The following YTHDC2 variants were observed in gnomAD, a reference collection of about 807,000 sequenced individuals.
YTHDC2 encodes YTH N6-methyladenosine RNA binding protein C2.
A neutral mutation model predicts 174.9 loss-of-function variants in YTHDC2; 45 were observed. The observed-to-expected ratio is 0.26, with a 90% confidence interval of 0.20 to 0.33. The LOEUF (loss-of-function observed/expected upper bound fraction) is 0.33. Ranked by LOEUF, YTHDC2 falls within the 10% of genes least tolerant of loss-of-function variation. YTHDC2 has a pLI of 1.00. For missense variants in YTHDC2, 1,650 were observed against 1,723.7 expected, an observed-to-expected ratio of 0.96 and a Z score of 0.76; for synonymous variants, 657 against 574.5, an observed-to-expected ratio of 1.14 and a Z score of -2.05.
At chr5:113,547,859 A>T (rs1040377827) in intron 10 of YTHDC2, among the ~76,000 whole-genome samples, 1 of 152,204 alleles carries the variant, frequency 6.6e-6, no homozygotes, top group Non-Finnish European at 1.5e-5. Flanking sequence ...AGGGTTTTTT[A>T]AATGAAATCT....
At chr5:113,533,912 T>A (rs546349264) in intron 5 of YTHDC2, among the ~76,000 whole-genome samples, 1 of 152,206 alleles carries the variant, frequency 6.6e-6, no homozygotes, top group Non-Finnish European at 1.5e-5. Flanking sequence ...AAACCCTTTC[T>A]GTCTCGAGCA....
chr5:113,549,001 G>A lies in YTHDC2; in HGVS notation c.1669G>A (p.Asp557Asn), dbSNP rs1226954936. 6.2e-7 allele frequency: 1 copy of A among 1,612,860 alleles called. No homozygotes were observed. The highest frequency in any genetic ancestry group is 1.3e-5 in the African/African-American group (1 of 74,970). The change falls in exon 12 of 30, where the codon GAT becomes AAT. Residue 557 changes from aspartate (D) to asparagine (N), a missense_variant. By Grantham distance (23) the Asp-to-Asn change is conservative. This residue lies in a region of YTHDC2 where 411 missense variants were observed against 380.6 expected (regional missense o/e 1.08). Transcript: ENST00000161863. ...ACACTTTGGGCAGACTGAAATTGTG[G>A]ATCTTCTAGAATCTTACAGGTAAAA... ...AKHFGQTEIV[D>N]LLESYSATLE...
At chr5:113,559,561 G>A (rs1776824295) in intron 17 of YTHDC2, among the ~76,000 whole-genome samples, 2 of 152,176 alleles carry the variant, frequency 1.3e-5, no homozygotes, top group Non-Finnish European at 2.9e-5. Context: ...AATCTCATTT[G>A]TGCCCTAGTT....
intron 2 of YTHDC2, among the ~76,000 whole-genome samples, chr5:113,519,347 G>T (rs987627765): frequency 7.9e-5 from 12 of 152,234 alleles, no homozygotes; most frequent in Admixed American, 5.9e-4. Flanking sequence ...TTTAAAGGTT[G>T]TGTTTAAAGT....
intron 23 of YTHDC2, among the ~76,000 whole-genome samples, chr5:113,571,936 A>AT (rs1430462400): frequency 6.6e-6 from 1 of 151,880 alleles, no homozygotes; most frequent in African/African-American, 2.4e-5. Context: ...TGATTTGCTG[A>AT]TTTTTTTGGA....
intron 18 of YTHDC2, among the ~76,000 whole-genome samples, chr5:113,561,978 G>GTGTGTGTGTGTGTA (rs1777019810): frequency 1.3e-5 from 2 of 149,594 alleles, no homozygotes; most frequent in Admixed American, 1.3e-4. Context: ...GTGTGTGTGT[G>GTGTGTGTGTGTGTA]TGTGTGTGTG....
chr5:113,558,987 A>G (rs903878820), intron 17 of YTHDC2, among the ~76,000 whole-genome samples: 11 of 152,050 alleles, frequency 7.2e-5, no homozygotes, highest in African/African-American at 2.7e-4. Context: ...TAGGCCTAGA[A>G]TTAGGATAAG....
In YTHDC2 at chr5:113,553,370, G is replaced by T; in HGVS notation, c.1867+11G>T. Reference sequence around the variant, plus strand: ...ATAGTTGTGATGCTGGTAAATACGTGTTGTCTAAAAGAACTGGAGCAAAAT... The same window carrying T: ...ATAGTTGTGATGCTGGTAAATACGTTTTGTCTAAAAGAACTGGAGCAAAAT... On this transcript the variant is annotated intron_variant, in intron 13 of 29. Coordinates refer to ENST00000161863, the MANE Select transcript of YTHDC2 (RefSeq NM_022828.5). The T allele has an allele frequency of 6.3e-7, 1 of 1,583,140 alleles. No homozygotes were observed. Among genetic ancestry groups the T allele is most frequent in the Non-Finnish European group, 8.5e-7 (1 of 1,170,548 alleles).
At chr5:113,567,612 A>T (rs370518910) in intron 22 of YTHDC2, 42 bp from the exon 23 acceptor site, 1 of 1,471,004 alleles carries the variant, frequency 6.8e-7, no homozygotes, top group East Asian at 2.5e-5. Flanking sequence ...AAACTAGGTG[A>T]TAAACACAAT....
At position 113,525,192 on chromosome 5, in the gene YTHDC2, G is replaced by A; in HGVS notation, c.475+15G>A. The A allele has an allele frequency of 6.5e-7, 1 of 1,546,706 alleles. No homozygotes were observed. Among genetic ancestry groups the A allele is most frequent in the Non-Finnish European group, 8.7e-7 (1 of 1,150,966 alleles). ...AGTTGAAGCTGGTATGTATTTTCTG[G>A]GGAGCTTCCTCATTTACCCTATTAT... On this transcript the variant is annotated intron_variant, in intron 3 of 29. Coordinates refer to ENST00000161863, the MANE Select transcript of YTHDC2 (RefSeq NM_022828.5).
chr5:113,590,398 A>G (rs561740604), intron 26 of YTHDC2, among the ~76,000 whole-genome samples: 14 of 152,212 alleles, frequency 9.2e-5, no homozygotes, highest in Non-Finnish European at 2.1e-4. Flanking sequence ...TGAAGATAAC[A>G]CGAAATATTC....
At chr5:113,540,803 A>T (rs756657833) in intron 8 of YTHDC2, among the ~76,000 whole-genome samples, 165 bp from the exon 9 acceptor site, 1 of 152,232 alleles carries the variant, frequency 6.6e-6, no homozygotes, top group East Asian at 1.9e-4. Context: ...TTGTTTCAGC[A>T]TAACACATTT....
chr5:113,514,443 A>G (rs1773259239), intron 1 of YTHDC2, among the ~76,000 whole-genome samples: 1 of 152,248 alleles, frequency 6.6e-6, no homozygotes, highest in Non-Finnish European at 1.5e-5. Flanking sequence ...TTTAAGCTAC[A>G]GATGTAGAAG....
intron 17 of YTHDC2, among the ~76,000 whole-genome samples, chr5:113,559,805 TGAA>T (rs1776841502): frequency 1.3e-5 from 2 of 152,200 alleles, no homozygotes; most frequent in African/African-American, 4.8e-5. Flanking sequence ...TAACAGAAGA[TGAA>T]CCATGGCTTT....
chr5:113,545,597 T>G (rs564214015), intron 10 of YTHDC2, among the ~76,000 whole-genome samples: 103 of 152,136 alleles, frequency 6.8e-4, no homozygotes, highest in Non-Finnish European at 1.3e-3. Flanking sequence ...GTTGAAGAGC[T>G]GGCCAGGCTG....
chr5:113,529,061 A>G (rs1384447690), intron 4 of YTHDC2, among the ~76,000 whole-genome samples: 2 of 152,250 alleles, frequency 1.3e-5, no homozygotes, highest in East Asian at 3.9e-4. Context: ...TATTTTTCCA[A>G]GTCAGTGCCT....
chr5:113,568,338 T>A (rs549925008), intron 23 of YTHDC2, among the ~76,000 whole-genome samples: 2 of 152,178 alleles, frequency 1.3e-5, no homozygotes, highest in South Asian at 4.1e-4. Flanking sequence ...GTATATCACA[T>A]TGAAGTGGCA....
intron 23 of YTHDC2, among the ~76,000 whole-genome samples, chr5:113,576,589 G>A (rs113494707): frequency 0.031 from 4,761 of 152,074 alleles, 96 homozygotes; most frequent in African/African-American, 0.053. Flanking sequence ...GCCATCATTT[G>A]GTGTTGGTTT....
chr5:113,585,202 A>G (rs998097252), intron 26 of YTHDC2, among the ~76,000 whole-genome samples: 4 of 140,478 alleles, frequency 2.8e-5, no homozygotes, highest in Non-Finnish European at 6.2e-5. Flanking sequence ...GGTTATATTA[A>G]AAAAAAAACA....
Sources: allele counts gnomAD v4.1 joint callset (sites outside exome capture counted in the v4.1 genomes callset), GRCh38; gene constraint gnomAD v4.1.1; regional missense constraint gnomAD v4.1.1; transcripts MANE v1.5; gene names NCBI Gene and HGNC (gene_info 2026-07-23, HGNC 2026-07-21).